Variants in UGT2A1 observed in about 807,000 individuals in gnomAD.
UGT2A1 encodes the protein UDP glucuronosyltransferase family 2 member A1 complex locus, also known as UDP-glucuronosyltransferase 2A1.
Under a neutral mutation model 45.4 loss-of-function variants are expected in UGT2A1, and 61 were observed. The observed-to-expected ratio is 1.34, with a 90% CI of 1.09 to 1.66. The LOEUF (loss-of-function observed/expected upper bound fraction) is 1.66, where lower values mean the gene tolerates loss of function less well. UGT2A1 is among the 40% of genes most tolerant of loss of function. UGT2A1 has a pLI of 0.00. For missense variants in UGT2A1, 649 were observed against 574.3 expected (o/e 1.13, Z -1.33); for synonymous variants, 229 against 196.2 (o/e 1.17, Z -1.40).
In UGT2A1 at chr4:69,601,995, A is replaced by G. The variant is rs560123921; in HGVS notation, c.848-2601T>C. 2.5e-4 allele frequency among the ~76,000 whole-genome samples: 35 copies of G among 137,454 alleles called. 6 individuals carry two copies. Among genetic ancestry groups the G allele is most frequent in the South Asian group, 4.8e-4 (2 of 4,210 alleles). 90.2% of individuals were successfully genotyped at this position (137,454 alleles called of 152,430 possible). ...ATAATTAATATAATCAAGAAAAAGTATATTATTGAAATAGAAATCAAATTA... is the reference window on the plus strand; with the variant it reads ...ATAATTAATATAATCAAGAAAAAGTGTATTATTGAAATAGAAATCAAATTA... On this transcript the variant is annotated intron_variant, in intron 3 of 6. Coordinates refer to ENST00000286604, the MANE Select transcript of UGT2A1 (RefSeq NM_001252275.3).
At chr4:69,595,332 A>G in intron 4 of UGT2A1, 83 bp from the exon 5 acceptor site, 1 of 1,508,662 alleles carries the variant, frequency 6.6e-7, no homozygotes. Flanking sequence ...GAAATCATTT[A>G]GCCAGCTACT....
chr4:69,639,691 G>A, intron 2 of UGT2A1: 1 of 1,479,468 alleles, frequency 6.8e-7, no homozygotes, highest in East Asian at 2.4e-5. Flanking sequence ...GTATATTTAG[G>A]TCAATTTTTA....
At chr4:69,653,023 A>T (rs1479641446) in intron 1 of UGT2A1, among the ~76,000 whole-genome samples, 165 bp downstream of exon 1, 1 of 152,252 alleles carries the variant, frequency 6.6e-6, no homozygotes, top group Non-Finnish European at 1.5e-5. Context: ...AGAAAAATCC[A>T]TCAAATTATA....
chr4:69,649,279 A>G (rs1722414036), intron 1 of UGT2A1, among the ~76,000 whole-genome samples: 1 of 152,108 alleles, frequency 6.6e-6, no homozygotes, highest in African/African-American at 2.4e-5. Context: ...AGTAATCATA[A>G]AATTCCTTGA....
chr4:69,609,196 A>T (rs1046484268), intron 3 of UGT2A1, among the ~76,000 whole-genome samples: 1 of 145,660 alleles, frequency 6.9e-6, no homozygotes, highest in Admixed American at 7.0e-5. Context: ...TCTGTCTTCC[A>T]GGCTGGAATG....
At chr4:69,650,528 A>T (rs1334579186) in intron 1 of UGT2A1, among the ~76,000 whole-genome samples, 1 of 152,026 alleles carries the variant, frequency 6.6e-6, no homozygotes, top group Non-Finnish European at 1.5e-5. Context: ...AAACAACTTG[A>T]GTTTGAGAAT....
chr4:69,593,046 C>T (rs1560465591), intron 6 of UGT2A1, among the ~76,000 whole-genome samples: 2 of 151,910 alleles, frequency 1.3e-5, no homozygotes, highest in Non-Finnish European at 2.9e-5. Flanking sequence ...AACTGGAAGG[C>T]CATAAGTAAT....
At chr4:69,632,315 C>G (rs186712248) in intron 3 of UGT2A1, among the ~76,000 whole-genome samples, 277 of 152,162 alleles carry the variant, frequency 1.8e-3, no homozygotes, top group African/African-American at 6.4e-3. Flanking sequence ...AATAAGGGGT[C>G]TGCATTAAAG....
At chr4:69,595,071 A>T (rs574883386) in intron 5 of UGT2A1, 91 bp downstream of exon 5, 1 of 1,480,650 alleles carries the variant, frequency 6.8e-7, no homozygotes, top group African/African-American at 1.4e-5. Flanking sequence ...ATTTTAAATT[A>T]TTAAAAATGT....
chr4:69,626,136 T>G (rs931514395), intron 3 of UGT2A1, among the ~76,000 whole-genome samples: 12 of 151,538 alleles, frequency 7.9e-5, no homozygotes, highest in Non-Finnish European at 3.0e-5. Flanking sequence ...GATTTTACCT[T>G]GTTGGATACT....
At chr4:69,600,281 C>A (rs1047199871) in intron 3 of UGT2A1, among the ~76,000 whole-genome samples, 1 of 152,182 alleles carries the variant, frequency 6.6e-6, no homozygotes, top group East Asian at 1.9e-4. Context: ...AGAGCAGCAT[C>A]TGGACATGGT....
chr4:69,642,288 G>A (rs773696424), intron 2 of UGT2A1, among the ~76,000 whole-genome samples: 7 of 151,696 alleles, frequency 4.6e-5, no homozygotes, highest in African/African-American at 1.2e-4. Flanking sequence ...ATGTAATGCC[G>A]GTGGCTGTCA....
At chr4:69,637,135 AG>A (rs1428438591) in intron 2 of UGT2A1, among the ~76,000 whole-genome samples, 1 of 152,186 alleles carries the variant, frequency 6.6e-6, no homozygotes, top group Non-Finnish European at 1.5e-5. Flanking sequence ...TGTGGTTTGA[AG>A]GCATATAAAA....
chr4:69,629,570 T>G (rs1306930311), intron 3 of UGT2A1, among the ~76,000 whole-genome samples: 1 of 152,086 alleles, frequency 6.6e-6, no homozygotes, highest in African/African-American at 2.4e-5. Flanking sequence ...GCTCTAGACA[T>G]CTATGTGATT....
intron 6 of UGT2A1, among the ~76,000 whole-genome samples, chr4:69,592,785 A>G (rs944996278): frequency 2.6e-5 from 4 of 152,102 alleles, no homozygotes; most frequent in African/African-American, 9.7e-5. Context: ...AAATGGAAAT[A>G]AAAGGCATTC....
At chr4:69,633,883 G>T (rs1721522893) in intron 3 of UGT2A1, among the ~76,000 whole-genome samples, 1 of 151,960 alleles carries the variant, frequency 6.6e-6, no homozygotes, top group Non-Finnish European at 1.5e-5. Context: ...GCAAGGGTGG[G>T]GTTACTTCGT....
intron 3 of UGT2A1, 24 bp downstream of exon 3, chr4:69,635,667 T>C: frequency 3.9e-6 from 1 of 255,112 alleles, no homozygotes. Flanking sequence ...TCGTCTCTAT[T>C]AAAAATACAA....
In UGT2A1 at chr4:69,621,717, C is replaced by T. The variant is rs558291173; in HGVS notation, c.847+13974G>A. On this transcript the variant is annotated intron_variant, in intron 3 of 6. Coordinates refer to ENST00000286604, the MANE Select transcript of UGT2A1 (RefSeq NM_001252275.3). ...ACATGCATGTGAATGTTCATTTCAG[C>T]ATGATTCACAATAGCAAAAACATGA... Among the ~76,000 whole-genome samples the T allele has an allele frequency of 1.5e-4, 23 of 152,006 alleles. 1 individual carries two copies. Among genetic ancestry groups the T allele is most frequent in the South Asian group, 1.2e-3 (6 of 4,806 alleles).
At position 69,595,887 on chromosome 4, in the gene UGT2A1, C is replaced by A. The variant is rs532998628; in HGVS notation, c.997-638G>T. On this transcript the variant is annotated intron_variant, in intron 4 of 6. Coordinates refer to ENST00000286604, the MANE Select transcript of UGT2A1 (RefSeq NM_001252275.3). The stretch of plus-strand genomic sequence containing the variant: ...ATAATTTCTCCCTGCTTTGTGTTTA[C>A]ACTCTCTTTTCCTGGACCATGGAGC... Among the ~76,000 whole-genome samples, 4 of 152,270 alleles carry A rather than the reference C, an allele frequency of 2.6e-5. No individual in the cohort carries two copies. The East Asian group carries it at 7.7e-4, about 29-fold the overall frequency.
Sources: gnomAD v4.1 joint callset for allele counts (sites outside exome capture counted in the v4.1 genomes callset) on GRCh38, gnomAD v4.1.1 for gene constraint, MANE v1.5 for transcripts, NCBI Gene and HGNC (gene_info 2026-07-23, HGNC 2026-07-21) for gene names.